ARHGAP42: variants seen among roughly 807,000 people sequenced by gnomAD.
ARHGAP42 encodes the protein rho GTPase-activating protein 42.
Under a neutral mutation model 125.0 loss-of-function variants are expected in ARHGAP42, and 63 were observed. That is an observed-to-expected ratio of 0.50 (90% CI 0.41 to 0.62). ARHGAP42 has a LOEUF of 0.62. Among genes scored for constraint, ARHGAP42 ranks in the 20% least tolerant of loss-of-function variants. ARHGAP42 has a pLI of 0.00. For missense variants in ARHGAP42, 766 were observed against 1,024.2 expected, an observed-to-expected ratio of 0.75 and a Z score of 3.44; for synonymous variants, 339 against 351.0, an observed-to-expected ratio of 0.97 and a Z score of 0.38.
At chr11:100,935,237 A>G (rs1242666443) in intron 7 of ARHGAP42, among the ~76,000 whole-genome samples, 1 of 152,100 alleles carries the variant, frequency 6.6e-6, no homozygotes, top group Admixed American at 6.5e-5. Context: ...AGAGGTATTC[A>G]TAGAGAAAAG....
chr11:100,959,790 T>C, intron 12 of ARHGAP42, 93 bp from the exon 13 acceptor site: 2 of 1,186,208 alleles, frequency 1.7e-6, no homozygotes, highest in Non-Finnish European at 2.4e-6. Context: ...ACCTCTCTAC[T>C]GTTGAGTCAT....
intron 3 of ARHGAP42, among the ~76,000 whole-genome samples, chr11:100,847,708 C>T (rs185513928): frequency 1.3e-5 from 2 of 151,980 alleles, no homozygotes; most frequent in Admixed American, 6.6e-5. Flanking sequence ...GAAGGAGAGG[C>T]CTTGGTCTAG....
Position 100,809,735 on chromosome 11 carries a change from G to T in ARHGAP42, c.312+14569G>T, listed in dbSNP as rs183441272. 1.3e-4 allele frequency among the ~76,000 whole-genome samples: 20 copies of T among 152,194 alleles called. No homozygotes were observed. The East Asian group carries it at 2.9e-3, about 22-fold the overall frequency. On this transcript the variant is annotated intron_variant, in intron 3 of 23. Coordinates refer to ENST00000298815, the MANE Select transcript of ARHGAP42 (RefSeq NM_152432.4). ...TTTGGGAGGCCAAGGTGGGTGGATC[G>T]CATGAGCCCAGAAGTTTGAGACCAG... is the stretch of plus-strand genomic sequence containing the variant.
chr11:100,714,335 A>G (rs1163884063), intron 1 of ARHGAP42, among the ~76,000 whole-genome samples: 1 of 152,224 alleles, frequency 6.6e-6, no homozygotes, highest in Non-Finnish European at 1.5e-5. Flanking sequence ...AAACATTTCA[A>G]AGGGCTAACA....
chr11:100,909,672 T>C (rs2135225903), intron 4 of ARHGAP42, among the ~76,000 whole-genome samples: 1 of 152,310 alleles, frequency 6.6e-6, no homozygotes, highest in African/African-American at 2.4e-5. Context: ...TACCTTGAAG[T>C]CTTTAACCCA....
intron 4 of ARHGAP42, among the ~76,000 whole-genome samples, chr11:100,879,258 C>T (rs569315184): frequency 9.2e-5 from 14 of 152,240 alleles, no homozygotes; most frequent in Admixed American, 4.6e-4. Context: ...GTATCCACAT[C>T]TCTGATGAGA....
intron 12 of ARHGAP42, among the ~76,000 whole-genome samples, chr11:100,957,533 T>G (rs542951777): frequency 6.6e-6 from 1 of 152,114 alleles, no homozygotes; most frequent in Non-Finnish European, 1.5e-5. Context: ...TAAACAAAGC[T>G]GTGCACTAAC....
At chr11:100,913,648 A>T (rs906606424) in intron 5 of ARHGAP42, 95 bp downstream of exon 5, 11 of 501,030 alleles carry the variant, frequency 2.2e-5, no homozygotes, top group Non-Finnish European at 3.2e-5. Context: ...GCTACTATTT[A>T]ATAAAATAAT....
intron 20 of ARHGAP42, 110 bp downstream of exon 20, chr11:100,976,547 G>T: frequency 7.2e-7 from 1 of 1,387,426 alleles, no homozygotes. Context: ...AACTAATGAT[G>T]CTTATCTACT....
At chr11:100,762,341 C>G (rs1291587371) in intron 1 of ARHGAP42, among the ~76,000 whole-genome samples, 1 of 151,996 alleles carries the variant, frequency 6.6e-6, no homozygotes, top group African/African-American at 2.4e-5. Context: ...TTTGCATTTT[C>G]AGGGGAATGA....
chr11:100,985,569 G>T (rs1013024641), intron 22 of ARHGAP42, among the ~76,000 whole-genome samples: 4 of 152,174 alleles, frequency 2.6e-5, no homozygotes, highest in Non-Finnish European at 4.4e-5. Flanking sequence ...CCACGTGCAT[G>T]TGTTCATGTG....
intron 2 of ARHGAP42, among the ~76,000 whole-genome samples, chr11:100,779,542 A>ATATATACG (rs1554996510): frequency 2.4e-5 from 1 of 42,300 alleles, no homozygotes; most frequent in African/African-American, 5.6e-5. Context: ...ATATATACGT[A>ATATATACG]TATATATACA....
In ARHGAP42 at chr11:100,950,027, G is replaced by C. The variant is rs1036840107; in HGVS notation, c.1162+71G>C. 9.5e-5 allele frequency: 90 copies of C among 943,062 alleles called. No homozygotes were observed. The East Asian group carries it at 2.5e-3, about 26-fold the overall frequency. The allele number at this position is 943,062 out of a possible 1,614,324, so 58.4% of individuals were successfully genotyped here. ...TTTAACACAAAAGCATTAGGTGATT[G>C]TAAGTATTCTGGGGAAATAGTATAA... On this transcript the variant is annotated intron_variant, in intron 12 of 23. Transcript: ENST00000298815.
chr11:100,845,924 G>C (rs577467049), intron 3 of ARHGAP42, among the ~76,000 whole-genome samples: 3 of 152,270 alleles, frequency 2.0e-5, no homozygotes, highest in Non-Finnish European at 2.9e-5. Context: ...GCCTCATCCA[G>C]TGATAAGACA....
chr11:100,794,793 CATTTTACAT>C (rs1251992148), intron 2 of ARHGAP42, among the ~76,000 whole-genome samples: 11 of 152,204 alleles, frequency 7.2e-5, no homozygotes, highest in Middle Eastern at 3.4e-3. Flanking sequence ...TATATGTGTA[CATTTTACAT>C]ATTAAATATA....
Position 100,859,915 on chromosome 11 carries a change from C to T in ARHGAP42, c.384+290C>T, listed in dbSNP as rs945720738. ...GGTGAAATTATGAGGAGCTCTGTTCCTAAATAAAATAAAAATTAGGCACAG... is the reference window on the plus strand; with the variant it reads ...GGTGAAATTATGAGGAGCTCTGTTCTTAAATAAAATAAAAATTAGGCACAG... On this transcript the variant is annotated intron_variant, in intron 4 of 23. Transcript: ENST00000298815. The T allele has an allele frequency of 1.4e-4, 32 of 225,246 alleles. 1 individual carries two copies. Among genetic ancestry groups the T allele is most frequent in the Middle Eastern group, 2.7e-3 (2 of 728 alleles). 14.0% of individuals were successfully genotyped at this position (225,246 alleles called of 1,614,324 possible). A position where few individuals can be genotyped will look rare whatever the true frequency, so the allele number is the denominator to read the frequency against.
intron 4 of ARHGAP42, among the ~76,000 whole-genome samples, chr11:100,882,467 T>A (rs1865984296): frequency 6.6e-6 from 1 of 152,180 alleles, no homozygotes; most frequent in African/African-American, 2.4e-5. Flanking sequence ...TGGGTTAGCT[T>A]TTTGATATGT....
At chr11:100,754,660 T>G (rs754540361) in intron 1 of ARHGAP42, among the ~76,000 whole-genome samples, 2 of 152,208 alleles carry the variant, frequency 1.3e-5, no homozygotes, top group Non-Finnish European at 2.9e-5. Context: ...TTGTGATGCT[T>G]TAGTTCCAGT....
chr11:100,781,156 T>A (rs974190389), intron 2 of ARHGAP42, among the ~76,000 whole-genome samples: 1 of 152,210 alleles, frequency 6.6e-6, no homozygotes, highest in Non-Finnish European at 1.5e-5. Flanking sequence ...GATGGTATTG[T>A]ACAATAGGTG....
Sources: gnomAD v4.1 joint callset for allele counts (sites outside exome capture counted in the v4.1 genomes callset) on GRCh38, gnomAD v4.1.1 for gene constraint, MANE v1.5 for transcripts, NCBI Gene and HGNC (gene_info 2026-07-23, HGNC 2026-07-21) for gene names.